ITGBL1: variants seen among roughly 807,000 people sequenced by gnomAD.
ITGBL1 encodes the protein integrin beta-like protein 1.
In ITGBL1, 51 loss-of-function variants were observed where a neutral mutation model predicts 68.5. That is an observed-to-expected ratio of 0.74 (90% CI 0.59 to 0.94). The LOEUF is 0.94. Among genes scored for constraint, ITGBL1 ranks in the 40% least tolerant of loss-of-function variants. The pLI is 0.00. For synonymous variants in ITGBL1, 209 were observed against 227.3 expected, an observed-to-expected ratio of 0.92 and a Z score of 0.72; for missense variants, 649 against 647.4, an observed-to-expected ratio of 1.00 and a Z score of -0.03.
chr13:101,584,792 AGAT>A (rs1322430841), intron 6 of ITGBL1, among the ~76,000 whole-genome samples: 14 of 151,998 alleles, frequency 9.2e-5, no homozygotes, highest in Non-Finnish European at 1.8e-4. Flanking sequence ...TGTTCCAAAG[AGAT>A]GATGAGAATA....
At chr13:101,505,660 G>C (rs960939909) in intron 2 of ITGBL1, among the ~76,000 whole-genome samples, 1 of 152,202 alleles carries the variant, frequency 6.6e-6, no homozygotes, top group African/African-American at 2.4e-5. Flanking sequence ...GCATTGTGAA[G>C]AACTGCAAAA....
At chr13:101,693,641 T>G (rs940648368) in intron 8 of ITGBL1, among the ~76,000 whole-genome samples, 1 of 151,824 alleles carries the variant, frequency 6.6e-6, no homozygotes, top group Non-Finnish European at 1.5e-5. Context: ...TATCTATCTA[T>G]CTATCTATCT....
chr13:101,607,950 C>A (rs2030948303), intron 7 of ITGBL1, among the ~76,000 whole-genome samples: 1 of 152,072 alleles, frequency 6.6e-6, no homozygotes, highest in African/African-American at 2.4e-5. Context: ...TTTGATACTG[C>A]AATCCCATGT....
At chr13:101,507,783 A>G (rs1232565797) in intron 2 of ITGBL1, among the ~76,000 whole-genome samples, 1 of 152,198 alleles carries the variant, frequency 6.6e-6, no homozygotes, top group Admixed American at 6.6e-5. Context: ...CATTGGAACA[A>G]CTGAAGGAAG....
intron 6 of ITGBL1, 153 bp from the exon 7 acceptor site, chr13:101,598,000 A>G: frequency 4.9e-6 from 3 of 610,536 alleles, no homozygotes; most frequent in Non-Finnish European, 8.0e-6. Context: ...CAGTTATTTA[A>G]GAATTTGAGA....
chr13:101,472,733 G>A (rs2048479964), intron 2 of ITGBL1, among the ~76,000 whole-genome samples: 1 of 151,982 alleles, frequency 6.6e-6, no homozygotes, highest in Non-Finnish European at 1.5e-5. Context: ...TTTTTTTAAT[G>A]AGGAACTTTA....
intron 2 of ITGBL1, among the ~76,000 whole-genome samples, chr13:101,535,578 C>T (rs1312730859): frequency 6.6e-6 from 1 of 152,104 alleles, no homozygotes; most frequent in East Asian, 1.9e-4. Context: ...CTTGTGAAAA[C>T]TTTATCTAAA....
intron 7 of ITGBL1, among the ~76,000 whole-genome samples, chr13:101,614,050 A>G (rs1486712731): frequency 7.3e-6 from 1 of 136,154 alleles, no homozygotes; most frequent in Non-Finnish European, 1.6e-5. Context: ...TGAGTCAGGG[A>G]CAAGAGGGGT....
At chr13:101,516,728 A>G (rs1271682596) in intron 2 of ITGBL1, among the ~76,000 whole-genome samples, 1 of 152,164 alleles carries the variant, frequency 6.6e-6, no homozygotes. Flanking sequence ...GTTAATTATC[A>G]TATTATTTCT....
intron 6 of ITGBL1, among the ~76,000 whole-genome samples, chr13:101,597,490 CAAATTAATTGCCA>C (rs1240428018): frequency 6.7e-6 from 1 of 148,504 alleles, no homozygotes; most frequent in Non-Finnish European, 1.5e-5. Flanking sequence ...GCCCTCCATG[CAAATTAATTGCCA>C]AATCCACCAA....
At chr13:101,596,756 A>G (rs2029996416) in intron 6 of ITGBL1, among the ~76,000 whole-genome samples, 1 of 152,170 alleles carries the variant, frequency 6.6e-6, no homozygotes, top group East Asian at 1.9e-4. Context: ...TGGATATACC[A>G]CAGTTTATTT....
intron 2 of ITGBL1, among the ~76,000 whole-genome samples, chr13:101,464,721 A>G (rs2048360609): frequency 6.6e-6 from 1 of 152,162 alleles, no homozygotes; most frequent in Non-Finnish European, 1.5e-5. Context: ...CTAATTTTAT[A>G]CACATACGCC....
intron 8 of ITGBL1, among the ~76,000 whole-genome samples, chr13:101,698,709 GATTT>G (rs1387250310): frequency 1.3e-5 from 2 of 152,142 alleles, no homozygotes; most frequent in Admixed American, 1.3e-4. Flanking sequence ...TAGTTCGTAA[GATTT>G]ATTTATTTTA....
At chr13:101,465,577 G>A (rs762170103) in intron 2 of ITGBL1, among the ~76,000 whole-genome samples, 18 of 152,104 alleles carry the variant, frequency 1.2e-4, no homozygotes, top group Non-Finnish European at 1.8e-4. Context: ...AGATTTGTCC[G>A]GTTTTAAGAC....
intron 2 of ITGBL1, among the ~76,000 whole-genome samples, chr13:101,561,677 GA>G (rs2050102621): frequency 1.3e-5 from 2 of 152,152 alleles, no homozygotes; most frequent in African/African-American, 4.8e-5. Context: ...CAAGCGTGGG[GA>G]AAATGGAGAG....
intron 7 of ITGBL1, among the ~76,000 whole-genome samples, chr13:101,671,434 T>TTTTTTG (rs1220061794): frequency 1.4e-5 from 1 of 72,710 alleles, no homozygotes; most frequent in African/African-American, 4.8e-5. Context: ...TTGTTTTTTT[T>TTTTTTG]TTGTTTTTTT....
intron 7 of ITGBL1, among the ~76,000 whole-genome samples, chr13:101,622,695 T>A (rs1303635307): frequency 6.6e-6 from 1 of 152,146 alleles, no homozygotes; most frequent in Admixed American, 6.6e-5. Flanking sequence ...GATCCAGTGT[T>A]TTTTTCTTTT....
intron 2 of ITGBL1, among the ~76,000 whole-genome samples, chr13:101,465,955 C>T (rs115866588): frequency 6.5e-4 from 99 of 152,246 alleles, no homozygotes; most frequent in African/African-American, 2.3e-3. Flanking sequence ...ACACTCATAA[C>T]TTTAAGAGCA....
rs140907085 is a variant in ITGBL1, at chr13:101,581,827, T to A, written c.728-1389T>A. Among the ~76,000 whole-genome samples the A allele has an allele frequency of 2.8e-3, 421 of 152,314 alleles. 5 individuals are homozygous for A. The highest frequency in any genetic ancestry group is 0.023 in the East Asian group (120 of 5,190). ...ATAAGTCTGAATAATAACACAGATA[T>A]AAAAAGTACATATTGCAAAATCGCT... On this transcript the variant is annotated intron_variant, in intron 5 of 10. Coordinates refer to ENST00000376180, the MANE Select transcript of ITGBL1 (RefSeq NM_004791.3).
Sources: allele counts gnomAD v4.1 joint callset (sites outside exome capture counted in the v4.1 genomes callset), GRCh38; gene constraint gnomAD v4.1.1; transcripts MANE v1.5; gene names NCBI Gene and HGNC (gene_info 2026-07-23, HGNC 2026-07-21).